EPYC: variants seen among roughly 807,000 people sequenced by gnomAD.
EPYC encodes the protein dermatan sulfate proteoglycan 3.
A neutral mutation model predicts 30.1 loss-of-function variants in EPYC; 28 were observed. The observed-to-expected ratio is 0.93, with a 90% CI of 0.69 to 1.28. The LOEUF (loss-of-function observed/expected upper bound fraction) is 1.28. Among genes scored for constraint, EPYC ranks in the 50% most tolerant of loss-of-function variants. EPYC has a pLI of 0.00. For missense variants in EPYC, 382 were observed against 383.5 expected (o/e 1.00, Z 0.03); for synonymous variants, 144 against 141.4 (o/e 1.02, Z -0.13).
intron 3 of EPYC, among the ~76,000 whole-genome samples, chr12:90,975,941 G>A (rs1877167751): frequency 6.6e-6 from 1 of 151,994 alleles, no homozygotes; most frequent in South Asian, 2.1e-4. Flanking sequence ...TATCACCTCT[G>A]TGTTACTGGA....
chr12:90,983,211 G>C (rs927311114), intron 2 of EPYC, among the ~76,000 whole-genome samples: 2 of 152,100 alleles, frequency 1.3e-5, no homozygotes, highest in African/African-American at 4.8e-5. Flanking sequence ...CTCCAGAATA[G>C]AGATACTGTT....
intron 2 of EPYC, among the ~76,000 whole-genome samples, chr12:90,978,522 G>A (rs1330555761): frequency 2.0e-5 from 3 of 148,396 alleles, no homozygotes; most frequent in Admixed American, 1.4e-4. Context: ...CTTTAATATC[G>A]TATATGTTTG....
chr12:90,973,228 A>G (rs542022966), intron 3 of EPYC, among the ~76,000 whole-genome samples: 1 of 151,850 alleles, frequency 6.6e-6, no homozygotes, highest in Non-Finnish European at 1.5e-5. Context: ...TAGAAATTCT[A>G]TATTCAAAAT....
intron 2 of EPYC, among the ~76,000 whole-genome samples, chr12:90,989,663 C>T (rs1311993664): frequency 6.6e-6 from 1 of 152,104 alleles, no homozygotes; most frequent in African/African-American, 2.4e-5. Flanking sequence ...TTTAATCATA[C>T]CGTCTAGTCT....
At chr12:90,984,729 C>T (rs549553666) in intron 2 of EPYC, among the ~76,000 whole-genome samples, 1 of 152,042 alleles carries the variant, frequency 6.6e-6, no homozygotes, top group Non-Finnish European at 1.5e-5. Flanking sequence ...CCTACAGCTC[C>T]CCTTCATATT....
chr12:90,986,172 A>T (rs1404059637), intron 2 of EPYC, among the ~76,000 whole-genome samples: 2 of 151,868 alleles, frequency 1.3e-5, no homozygotes, highest in Non-Finnish European at 2.9e-5. Flanking sequence ...GAAGGAATCA[A>T]CCCTGAAGTC....
intron 2 of EPYC, among the ~76,000 whole-genome samples, chr12:90,993,658 A>G (rs554802170): frequency 6.6e-6 from 1 of 151,822 alleles, no homozygotes; most frequent in East Asian, 1.9e-4. Flanking sequence ...TCACTTTCTA[A>G]GTTTGTATTT....
At chr12:90,998,310 C>T (rs953681132) in intron 2 of EPYC, among the ~76,000 whole-genome samples, 2 of 152,024 alleles carry the variant, frequency 1.3e-5, no homozygotes, top group Non-Finnish European at 2.9e-5. Context: ...AAAGCTGCAA[C>T]CATTTTATGT....
intron 3 of EPYC, among the ~76,000 whole-genome samples, chr12:90,976,852 T>C (rs531962765): frequency 3.3e-5 from 5 of 152,256 alleles, no homozygotes; most frequent in Middle Eastern, 6.8e-3. Context: ...GATGGTTTTA[T>C]AAGGCGTTTC....
intron 6 of EPYC, among the ~76,000 whole-genome samples, chr12:90,965,464 A>C (rs1382446092): frequency 6.6e-6 from 1 of 152,102 alleles, no homozygotes; most frequent in Non-Finnish European, 1.5e-5. Context: ...ACCATTTTAC[A>C]CTTCTACCAA....
At chr12:90,982,326 T>C (rs1877342638) in intron 2 of EPYC, among the ~76,000 whole-genome samples, 1 of 152,114 alleles carries the variant, frequency 6.6e-6, no homozygotes, top group African/African-American at 2.4e-5. Context: ...GTTCATCTTT[T>C]AAAGTATACA....
At chr12:90,981,912 A>G (rs555126647) in intron 2 of EPYC, among the ~76,000 whole-genome samples, 1 of 152,282 alleles carries the variant, frequency 6.6e-6, no homozygotes, top group African/African-American at 2.4e-5. Context: ...ATAATGTAAT[A>G]TATATGTTAT....
intron 2 of EPYC, among the ~76,000 whole-genome samples, chr12:90,985,980 T>C (rs981686260): frequency 2.6e-5 from 4 of 152,178 alleles, no homozygotes; most frequent in African/African-American, 9.6e-5. Flanking sequence ...GGACAGCCTG[T>C]AACCAGGTAT....
intron 5 of EPYC, among the ~76,000 whole-genome samples, chr12:90,971,495 C>A (rs994943845): frequency 1.2e-4 from 18 of 151,912 alleles, no homozygotes; most frequent in Admixed American, 9.2e-4. Context: ...TATGGCGAAA[C>A]CATGTCTCTA....
intron 5 of EPYC, 58 bp downstream of exon 5, chr12:90,971,742 T>A (rs1363929583): frequency 1.2e-6 from 1 of 837,858 alleles, no homozygotes; most frequent in Non-Finnish European, 1.7e-6. Flanking sequence ...AAAAAGGTAG[T>A]CAATGACAGC....
At chr12:90,993,120 T>C (rs1458403195) in intron 2 of EPYC, among the ~76,000 whole-genome samples, 1 of 152,172 alleles carries the variant, frequency 6.6e-6, no homozygotes, top group East Asian at 1.9e-4. Context: ...GTTGATCCCT[T>C]TTCTCACTCC....
rs1391181833 is a variant in EPYC, at chr12:91,002,463, C to T, written c.103G>A (p.Ala35Thr). 1 of 1,613,268 alleles carries T rather than the reference C, an allele frequency of 6.2e-7. No homozygotes were observed. Among genetic ancestry groups the T allele is most frequent in the South Asian group, 1.1e-5 (1 of 91,046 alleles). The change falls in exon 2 of 7, where the codon GCC (alanine) becomes ACC (threonine). Residue 35 changes from alanine to threonine, a missense_variant. Physicochemically the swap from Ala to Thr is moderately conservative, Grantham distance 58 (BLOSUM62 0). Transcript: ENST00000261172. Reference protein sequence around the residue: ...SINYDSETYDATLEDLDNLYN... With the variant: ...SINYDSETYDTTLEDLDNLYN... ...AAATTATCCAGGTCTTCTAAGGTGGCATCATAGGTTTCTGAGTCATAGTTG... is the reference window on the plus strand; with the variant it reads ...AAATTATCCAGGTCTTCTAAGGTGGTATCATAGGTTTCTGAGTCATAGTTG...
chr12:90,978,316 G>A (rs1288021411), intron 2 of EPYC, 54 bp from the exon 3 acceptor site: 5 of 1,511,130 alleles, frequency 3.3e-6, no homozygotes, highest in Non-Finnish European at 4.4e-6. Flanking sequence ...CAGTCACTCT[G>A]TGTGGCAGTG....
intron 2 of EPYC, among the ~76,000 whole-genome samples, chr12:90,990,022 T>G (rs1877545812): frequency 6.6e-6 from 1 of 152,096 alleles, no homozygotes; most frequent in South Asian, 2.1e-4. Context: ...AGAAAGACAA[T>G]TTAGGCAATT....
Sources: gnomAD v4.1 joint callset for allele counts (sites outside exome capture counted in the v4.1 genomes callset) on GRCh38, gnomAD v4.1.1 for gene constraint, MANE v1.5 for transcripts, NCBI Gene and HGNC (gene_info 2026-07-23, HGNC 2026-07-21) for gene names.